The following UBQLN3 variants were observed in gnomAD, a reference collection of about 807,000 sequenced individuals.
The protein encoded by UBQLN3 is ubiquilin 3, also known as ubiquilin-3.
UBQLN3 carries 1 observed loss-of-function variant against 2.9 expected under a neutral mutation model. The ratio of observed to expected loss-of-function variants is 0.35; its 90% CI spans 0.12 to 1.66. UBQLN3 has a LOEUF of 1.66. Among genes scored for constraint, UBQLN3 ranks in the 40% most tolerant of loss-of-function variants. The probability of loss-of-function intolerance (pLI) is 0.35; values close to 1 mark genes in which losing one functional copy is unlikely to be tolerated. For missense variants in UBQLN3, 924 were observed against 816.5 expected (o/e 1.13, Z -1.61); for synonymous variants, 358 against 317.6 (o/e 1.13, Z -1.35).
In UBQLN3 at chr11:5,509,089, A is replaced by C; in HGVS notation, c.470T>G (p.Leu157Arg). Residue 157 changes from leucine (L) to arginine (R), a missense_variant, in exon 2 of 2, where the codon CTG becomes CGG. Leu to Arg is a moderately radical substitution (Grantham distance 102, BLOSUM62 -2). Transcript: ENST00000311659. Reference sequence around the variant, plus strand: ...AGGCACAGACACATGCTGCCGCATCAGGGAGCTTGGCTGGTCAGGGAAGCC... The same window carrying C: ...AGGCACAGACACATGCTGCCGCATCCGGGAGCTTGGCTGGTCAGGGAAGCC... Reference protein sequence around the residue: ...YRGFPDQPSSLMRQHVSVPEF... With the variant: ...YRGFPDQPSSRMRQHVSVPEF... 6.2e-7 allele frequency: 1 copy of C among 1,614,162 alleles called. No homozygotes were observed. The highest frequency in any genetic ancestry group is 8.5e-7 in the Non-Finnish European group (1 of 1,180,026).
At position 5,509,478 on chromosome 11, in the gene UBQLN3, CT is replaced by C. The variant is rs1368286358; in HGVS notation, c.80del (p.Lys27ArgfsTer20). 1 of 1,614,216 alleles carries C rather than the reference CT, an allele frequency of 6.2e-7. No individual in the cohort carries two copies. The highest frequency in any genetic ancestry group is 8.5e-7 in the Non-Finnish European group (1 of 1,180,022). The part of the protein sequence containing the change: ...QDPHLIKVTV[K>X]TPKDKEDFSV... ...AGAAATCCTCCTTGTCTTTGGGCGT[CT>C]TCACTGTCACCTTGATGAGGTGGGG... is the stretch of plus-strand genomic sequence containing the variant. On this transcript the variant is annotated frameshift_variant, in exon 2 of 2. Transcript: ENST00000311659. LOFTEE classifies it low-confidence loss of function (END_TRUNC).
At chr11:5,509,784 G>C in intron 1 of UBQLN3, 90 bp downstream of exon 1, 1 of 690,946 alleles carries the variant, frequency 1.4e-6, no homozygotes, top group South Asian at 2.1e-5. Flanking sequence ...GGAATCAGGG[G>C]AGGGAAATGC....
chr11:5,509,081 G>A lies in UBQLN3; in HGVS notation c.478C>T (p.Gln160Ter), dbSNP rs530486303. The change falls in exon 2 of 2, where the codon CAG becomes TAG. Residue 160 changes from glutamine (Q) to a stop codon, truncating the protein, a stop_gained. Coordinates refer to ENST00000311659, the MANE Select transcript of UBQLN3 (RefSeq NM_017481.4). LOFTEE classifies it low-confidence loss of function (END_TRUNC). ...FPDQPSSLMR[Q>*]HVSVPEFVTQ... ...ACAAACTCAGGCACAGACACATGCT[G>A]CCGCATCAGGGAGCTTGGCTGGTCA... 21 of 1,614,132 alleles carry A rather than the reference G, an allele frequency of 1.3e-5. No individual in the cohort carries two copies. In the South Asian group the frequency reaches 1.5e-4, roughly 12 times the overall value.
chr11:5,507,364 C>A lies in UBQLN3; in HGVS notation c.*227G>T. On this transcript the variant is annotated 3_prime_UTR_variant, in exon 2 of 2. Coordinates refer to ENST00000311659, the MANE Select transcript of UBQLN3 (RefSeq NM_017481.4). ...GCATAAGCAGAGCTTAGACTGGGGC[C>A]CCCCAGTGGTATAGTGGTACAAGTG... is the stretch of plus-strand genomic sequence containing the variant. 3 of 783,508 alleles carry A rather than the reference C, an allele frequency of 3.8e-6. No individual in the cohort carries two copies. The South Asian group carries it at 8.6e-5, about 23-fold the overall frequency. 48.5% of individuals were successfully genotyped at this position (783,508 alleles called of 1,614,324 possible).
At chr11:5,509,851 G>T in intron 1 of UBQLN3, 23 bp downstream of exon 1, 1 of 370,000 alleles carries the variant, frequency 2.7e-6, no homozygotes, top group Non-Finnish European at 4.9e-6. Context: ...GTAGAAGGAA[G>T]GGCCCAGCTG....
Position 5,508,931 on chromosome 11 carries a change from T to C in UBQLN3, c.628A>G (p.Ile210Val), listed in dbSNP as rs1427444768. ...LIQHNPEIGHILNNPEIMRQT... is the reference protein window; with the variant it reads ...LIQHNPEIGHVLNNPEIMRQT... ...CGCATAATTTCCGGGTTGTTAAGAA[T>C]ATGCCCAATCTCAGGGTTGTGCTGG... Residue 210 changes from isoleucine to valine, a missense_variant, in exon 2 of 2, where the codon ATT becomes GTT. Coordinates refer to ENST00000311659, the MANE Select transcript of UBQLN3 (RefSeq NM_017481.4). The surrounding 1 kb of genome is among the most constrained non-coding windows in gnomAD (Gnocchi z 4.2). 1.9e-6 allele frequency: 3 copies of C among 1,614,210 alleles called. No individual in the cohort carries two copies. Among genetic ancestry groups the C allele is most frequent in the Non-Finnish European group, 2.5e-6 (3 of 1,180,032 alleles).
chr11:5,508,433 ATGG>A lies in UBQLN3; in HGVS notation c.1123_1125del (p.Pro375del). The stretch of plus-strand genomic sequence containing the variant: ...GACGATGGGGGAACTCTGTTTACTG[ATGG>A]TGGTGGTTCCTGGCTTTGGCTGAGG... On this transcript the variant is annotated inframe_deletion, in exon 2 of 2. Coordinates refer to ENST00000311659, the MANE Select transcript of UBQLN3 (RefSeq NM_017481.4). The surrounding 1 kb of genome is among the most constrained non-coding windows in gnomAD (Gnocchi z 4.2). 3.1e-6 allele frequency: 5 copies of A among 1,605,656 alleles called. No individual in the cohort carries two copies. The highest frequency in any genetic ancestry group is 4.3e-6 in the Non-Finnish European group (5 of 1,175,924).
At chr11:5,509,723 G>T in intron 1 of UBQLN3, 129 bp from the exon 2 acceptor site, 1 of 1,204,850 alleles carries the variant, frequency 8.3e-7, no homozygotes, top group Non-Finnish European at 1.1e-6. Context: ...AAGGGGCCAT[G>T]AGGTTTCTGG....
Position 5,508,983 on chromosome 11 carries a change from A to G in UBQLN3, c.576T>C (p.Leu192=). The G allele has an allele frequency of 6.2e-7, 1 of 1,614,132 alleles. No individual in the cohort carries two copies. The highest frequency in any genetic ancestry group is 1.6e-4 in the Middle Eastern group (1 of 6,062). ...SNTGLVRQLV[L]DNPHMQQLIQ... is the part of the protein sequence containing the mutation. The stretch of plus-strand genomic sequence containing the variant: ...TCAGCTGCTGCATATGGGGGTTGTC[A>G]AGAACCAGCTGGCGTACTAGGCCTG... The change falls in exon 2 of 2, where the codon CTT becomes CTC. Residue 192 remains leucine, a synonymous_variant. Transcript: ENST00000311659. This position sits in a 1 kb window ranked among gnomAD's most constrained non-coding sequence, Gnocchi z 4.2.
Position 5,509,145 on chromosome 11 carries a change from T to C in UBQLN3, c.414A>G (p.Thr138=). The change falls in exon 2 of 2, where the codon ACA becomes ACG. Residue 138 remains threonine, a synonymous_variant. Transcript: ENST00000311659. Reference sequence around the variant, plus strand: ...AGGCCAAGCCCAGCCTACTGAGGCCTGTGAGGAGACCTAAGCTAAAGGCAG... The same window carrying C: ...AGGCCAAGCCCAGCCTACTGAGGCCCGTGAGGAGACCTAAGCTAAAGGCAG... ...GPPAFSLGLL[T]GLSRLGLAYR... is the part of the protein sequence containing the mutation. 1 of 1,614,074 alleles carries C rather than the reference T, an allele frequency of 6.2e-7. No homozygotes were observed. The highest frequency in any genetic ancestry group is 8.5e-7 in the Non-Finnish European group (1 of 1,179,988).
Position 5,508,766 on chromosome 11 carries a change from T to A in UBQLN3, c.793A>T (p.Met265Leu). ...AACTGCTCCTGGACTGCGTTAAGCA[T>A]TGGGTCCATAATATCTGTGTACATA... ...CTMYTDIMDP[M>L]LNAVQEQFGG... The change falls in exon 2 of 2, where the codon ATG becomes TTG. Residue 265 changes from methionine (M) to leucine (L), a missense_variant. By Grantham distance (15) the Met-to-Leu change is conservative. Transcript: ENST00000311659. This position sits in a 1 kb window ranked among gnomAD's most constrained non-coding sequence, Gnocchi z 4.2. 1 of 1,614,056 alleles carries A rather than the reference T, an allele frequency of 6.2e-7. No homozygotes were observed. Among genetic ancestry groups the A allele is most frequent in the Non-Finnish European group, 8.5e-7 (1 of 1,180,026 alleles).
At position 5,509,467 on chromosome 11, in the gene UBQLN3, T is replaced by C. The variant is rs1846441785; in HGVS notation, c.92A>G (p.Asp31Gly). The change falls in exon 2 of 2, where the codon GAC becomes GGC. Residue 31 changes from aspartate (D) to glycine (G), a missense_variant. Coordinates refer to ENST00000311659, the MANE Select transcript of UBQLN3 (RefSeq NM_017481.4). ...GTCTGTAACTGAGAAATCCTCCTTG[T>C]CTTTGGGCGTCTTCACTGTCACCTT... ...LIKVTVKTPK[D>G]KEDFSVTDTC... The C allele has an allele frequency of 1.2e-6, 2 of 1,614,096 alleles. No homozygotes were observed. Among genetic ancestry groups the C allele is most frequent in the South Asian group, 2.2e-5 (2 of 91,090 alleles).
rs1846431749 is a variant in UBQLN3 at position 5,509,016 on chromosome 11, C to G, written c.543G>C (p.Leu181=). 1 of 1,613,964 alleles carries G rather than the reference C, an allele frequency of 6.2e-7. No homozygotes were observed. Among genetic ancestry groups the G allele is most frequent in the African/African-American group, 1.3e-5 (1 of 74,900 alleles). ...LIDDPFIPGL[L]SNTGLVRQLV... ...GCTGGCGTACTAGGCCTGTGTTGGA[C>G]AGCAGACCCGGGATGAAGGGGTCAT... The change falls in exon 2 of 2, where the codon CTG becomes CTC. Residue 181 remains leucine (L), a synonymous_variant. Coordinates refer to ENST00000311659, the MANE Select transcript of UBQLN3 (RefSeq NM_017481.4).
rs748824720 is a variant in UBQLN3 at position 5,509,002 on chromosome 11, A to C, written c.557T>G (p.Leu186Arg). Residue 186 changes from leucine to arginine, a missense_variant, in exon 2 of 2, where the codon CTA (leucine) becomes CGA (arginine). Leu to Arg is a moderately radical substitution (Grantham distance 102, BLOSUM62 -2). Coordinates refer to ENST00000311659, the MANE Select transcript of UBQLN3 (RefSeq NM_017481.4). ...GTTGTCAAGAACCAGCTGGCGTACT[A>C]GGCCTGTGTTGGACAGCAGACCCGG... Reference protein sequence around the residue: ...FIPGLLSNTGLVRQLVLDNPH... With the variant: ...FIPGLLSNTGRVRQLVLDNPH... 74 of 1,614,046 alleles carry C rather than the reference A, an allele frequency of 4.6e-5. 1 individual carries two copies. Among genetic ancestry groups the C allele is most frequent in the Non-Finnish European group, 5.0e-5 (59 of 1,180,026 alleles).
At position 5,508,897 on chromosome 11, in the gene UBQLN3, A is replaced by G. The variant is rs113277359; in HGVS notation, c.662T>C (p.Leu221Pro). 102 of 1,614,096 alleles carry G rather than the reference A, an allele frequency of 6.3e-5. No homozygotes were observed. Among genetic ancestry groups the G allele is most frequent in the Non-Finnish European group, 8.0e-5 (94 of 1,180,042 alleles). The part of the protein sequence containing the change: ...LNNPEIMRQT[L>P]EFLRNPAMMQ... ...CATGGCAGGGTTACGTAAAAACTCC[A>G]GTGTCTGCCGCATAATTTCCGGGTT... Residue 221 changes from leucine to proline, a missense_variant, in exon 2 of 2, where the codon CTG becomes CCG. Leu to Pro is a moderately conservative substitution (Grantham distance 98). Transcript: ENST00000311659. This position sits in a 1 kb window ranked among gnomAD's most constrained non-coding sequence, Gnocchi z 4.2.
rs143750640 is a variant in UBQLN3, at chr11:5,508,222, G to A, written c.1337C>T (p.Ser446Leu). 489 of 1,614,148 alleles carry A rather than the reference G, an allele frequency of 3.0e-4. 2 individuals are homozygous for A. The African/African-American group carries it at 5.6e-3, about 18-fold the overall frequency. Residue 446 changes from serine (S) to leucine (L), a missense_variant, in exon 2 of 2, where the codon TCG (serine) becomes TTG (leucine). Ser to Leu is a moderately radical substitution (Grantham distance 145). Transcript: ENST00000311659. This position sits in a 1 kb window ranked among gnomAD's most constrained non-coding sequence, Gnocchi z 4.2. ...CCTGTTGGCAGAATCTCCCAGCCCC[G>A]AGACAAGATCAGGCAAGTTTGTGCT... Reference protein sequence around the residue: ...GHSTNLPDLVSGLGDSANRVP... With the variant: ...GHSTNLPDLVLGLGDSANRVP...
In UBQLN3 at chr11:5,508,314, G is replaced by A. The variant is rs1482438467; in HGVS notation, c.1245C>T (p.Tyr415=). ...CTTGTCCAGTACTGTTCTCTGTGGGGTATCTCAGGAAAGCTGGGCAGGAGG... is the reference window on the plus strand; with the variant it reads ...CTTGTCCAGTACTGTTCTCTGTGGGATATCTCAGGAAAGCTGGGCAGGAGG... ...GRSSCPAFLR[Y]PTENSTGQGG... The change falls in exon 2 of 2, where the codon TAC becomes TAT. Residue 415 remains tyrosine, a synonymous_variant. Coordinates refer to ENST00000311659, the MANE Select transcript of UBQLN3 (RefSeq NM_017481.4). This position sits in a 1 kb window ranked among gnomAD's most constrained non-coding sequence, Gnocchi z 4.2. 6.2e-7 allele frequency: 1 copy of A among 1,610,804 alleles called. No homozygotes were observed. The highest frequency in any genetic ancestry group is 1.3e-5 in the African/African-American group (1 of 74,890).
Position 5,508,038 on chromosome 11 carries a change from C to T in UBQLN3, c.1521G>A (p.Leu507=), listed in dbSNP as rs753978380. 6.2e-7 allele frequency: 1 copy of T among 1,614,076 alleles called. No homozygotes were observed. Among genetic ancestry groups the T allele is most frequent in the Non-Finnish European group, 8.5e-7 (1 of 1,180,046 alleles). Residue 507 remains leucine (L), a synonymous_variant, in exon 2 of 2, where the codon CTG becomes CTA. Coordinates refer to ENST00000311659, the MANE Select transcript of UBQLN3 (RefSeq NM_017481.4). This position sits in a 1 kb window ranked among gnomAD's most constrained non-coding sequence, Gnocchi z 4.2. ...LQDEIQPQLP[L]LMHLQAAMAN... is the part of the protein sequence containing the mutation. ...CCATGGCTGCCTGAAGGTGCATCAG[C>T]AGTGGCAGCTGTGGTTGTATCTCAT...
Position 5,509,175 on chromosome 11 carries a change from C to T in UBQLN3, c.384G>A (p.Gly128=), listed in dbSNP as rs753246120. 2 of 1,613,764 alleles carry T rather than the reference C, an allele frequency of 1.2e-6. No homozygotes were observed. Among genetic ancestry groups the T allele is most frequent in the Non-Finnish European group, 1.7e-6 (2 of 1,179,764 alleles). Residue 128 remains glycine (G), a synonymous_variant, in exon 2 of 2, where the codon GGG becomes GGA. Transcript: ENST00000311659. ...PQPSSIYPAD[G]PPAFSLGLLT... is the part of the protein sequence containing the mutation. Reference sequence around the variant, plus strand: ...GGAGACCTAAGCTAAAGGCAGGGGGCCCATCTGCTGGGTAAATGGAGCTTG... The same window carrying T: ...GGAGACCTAAGCTAAAGGCAGGGGGTCCATCTGCTGGGTAAATGGAGCTTG...
Sources: gnomAD v4.1 joint callset for allele counts on GRCh38, gnomAD v4.1.1 for gene constraint, Gnocchi (gnomAD v3.1) non-coding constraint, MANE v1.5 for transcripts, NCBI Gene and HGNC (gene_info 2026-07-23, HGNC 2026-07-21) for gene names.